Variants in SMCO4 observed in about 807,000 individuals in gnomAD.
SMCO4 encodes the protein single-pass membrane protein with coiled-coil domains 4, also known as single-pass membrane and coiled-coil domain-containing protein 4.
Under a neutral mutation model 3.6 loss-of-function variants are expected in SMCO4, and 4 were observed. The ratio of observed to expected loss-of-function variants is 1.11; its 90% confidence interval spans 0.54 to 2.53. The LOEUF (loss-of-function observed/expected upper bound fraction) is 2.53, where lower values mean the gene tolerates loss of function less well. SMCO4 is among the 30% of genes most tolerant of loss of function. The probability of loss-of-function intolerance (pLI) is 0.02; values close to 1 mark genes in which losing one functional copy is unlikely to be tolerated. For synonymous variants in SMCO4, 36 were observed against 35.3 expected, an observed-to-expected ratio of 1.02 and a Z score of -0.07; for missense variants, 70 against 80.8, an observed-to-expected ratio of 0.87 and a Z score of 0.51.
the SMCO4 span, among the ~76,000 whole-genome samples, chr11:93,552,933 T>C: frequency 6.6e-5 from 10 of 152,202 alleles, no homozygotes; most frequent in Admixed American, 4.6e-4. Context: ...TGTGCAACTT[T>C]CCCCTAGTGA....
chr11:93,509,297 G>GAAAA (rs34599036), intron 1 of SMCO4, among the ~76,000 whole-genome samples: 1 of 140,582 alleles, frequency 7.1e-6, no homozygotes, highest in African/African-American at 2.6e-5. Flanking sequence ...CTCAAAAATG[G>GAAAA]AAAAAAAAAA....
chr11:93,482,392 GA>G (rs2134567702), intron 2 of SMCO4, among the ~76,000 whole-genome samples: 1 of 152,342 alleles, frequency 6.6e-6, no homozygotes, highest in East Asian at 1.9e-4. Flanking sequence ...CATCGTCATG[GA>G]AATAATATCA....
intron 2 of SMCO4, among the ~76,000 whole-genome samples, chr11:93,498,680 G>T (rs1948803456): frequency 6.6e-6 from 1 of 152,242 alleles, no homozygotes; most frequent in African/African-American, 2.4e-5. Context: ...ACCTGGCGAA[G>T]ATCAGGAATT....
Position 93,528,415 on chromosome 11 carries a change from G to A in SMCO4, c.-154+14861C>T, listed in dbSNP as rs935966377. ...GACACCCGCCTCCAGAGCCAGAATG[G>A]AGATTTAGCCAAATCCTCCACCACC... is the stretch of plus-strand genomic sequence containing the variant. On this transcript the variant is annotated intron_variant, in intron 1 of 2. Transcript: ENST00000298966. Among the ~76,000 whole-genome samples, 3 of 152,196 alleles carry A rather than the reference G, an allele frequency of 2.0e-5. No individual in the cohort carries two copies. The South Asian group carries it at 6.2e-4, about 31-fold the overall frequency.
At chr11:93,529,988 G>T (rs907934957) in intron 1 of SMCO4, among the ~76,000 whole-genome samples, 1 of 152,226 alleles carries the variant, frequency 6.6e-6, no homozygotes, top group Non-Finnish European at 1.5e-5. Flanking sequence ...AGGTCCTCTT[G>T]GATGTTCCTC....
intron 2 of SMCO4, among the ~76,000 whole-genome samples, chr11:93,491,239 T>C (rs1251939896): frequency 6.6e-6 from 1 of 152,260 alleles, no homozygotes; most frequent in Non-Finnish European, 1.5e-5. Flanking sequence ...TCCAATGGTG[T>C]GCACTGGGTT....
At chr11:93,512,569 T>C (rs1354900673) in intron 1 of SMCO4, among the ~76,000 whole-genome samples, 1 of 152,226 alleles carries the variant, frequency 6.6e-6, no homozygotes, top group Non-Finnish European at 1.5e-5. Context: ...TTTATATGTT[T>C]AGATACACAA....
chr11:93,496,271 A>G (rs1337376840), intron 2 of SMCO4, among the ~76,000 whole-genome samples: 3 of 152,202 alleles, frequency 2.0e-5, no homozygotes, highest in Non-Finnish European at 4.4e-5. Flanking sequence ...CAGGAAGGCC[A>G]TGGATGAATT....
intron 1 of SMCO4, among the ~76,000 whole-genome samples, chr11:93,533,658 G>A (rs1286704675): frequency 6.6e-6 from 1 of 152,118 alleles, no homozygotes; most frequent in South Asian, 2.1e-4. Context: ...GCTCTGATGT[G>A]CACAAAGGAG....
chr11:93,514,410 ATATATATAT>A (rs1565383094), intron 1 of SMCO4, among the ~76,000 whole-genome samples: 482 of 34,982 alleles, frequency 0.014, 14 homozygotes, highest in South Asian at 0.052. Context: ...ATATATATAT[ATATATATAT>A]ATAAAATTTG....
chr11:93,524,858 G>A (rs562506062), intron 1 of SMCO4, among the ~76,000 whole-genome samples: 39 of 152,136 alleles, frequency 2.6e-4, no homozygotes, highest in Non-Finnish European at 1.3e-4. Flanking sequence ...AGGACCCACA[G>A]AAAAATAGTG....
upstream of SMCO4, among the ~76,000 whole-genome samples, chr11:93,545,018 T>C (rs1949304658): frequency 6.6e-6 from 1 of 152,164 alleles, no homozygotes; most frequent in African/African-American, 2.4e-5. Flanking sequence ...GGCAGAGGGA[T>C]TGGGAGCATA....
chr11:93,552,677 G>A, the SMCO4 span, among the ~76,000 whole-genome samples: 6 of 150,980 alleles, frequency 4.0e-5, no homozygotes, highest in Non-Finnish European at 8.8e-5. Flanking sequence ...TCACCATGTC[G>A]TTTAGGCTGG....
At chr11:93,540,165 T>C (rs1949260487) in intron 1 of SMCO4, among the ~76,000 whole-genome samples, 2 of 152,120 alleles carry the variant, frequency 1.3e-5, no homozygotes, top group Non-Finnish European at 2.9e-5. Context: ...CATTGATAAG[T>C]ACAAAAAGTA....
chr11:93,498,961 T>C (rs765883572), intron 2 of SMCO4, among the ~76,000 whole-genome samples: 4 of 152,046 alleles, frequency 2.6e-5, no homozygotes, highest in Non-Finnish European at 5.9e-5. Flanking sequence ...GGGGGGTGTG[T>C]CACAGACCTC....
At chr11:93,547,904 G>C (rs1295007005), upstream of SMCO4, among the ~76,000 whole-genome samples, 1 of 152,208 alleles carries the variant, frequency 6.6e-6, no homozygotes, top group Non-Finnish European at 1.5e-5. Context: ...CATGTGTTGT[G>C]CTATGCTGTA....
chr11:93,535,057 C>A (rs1363725580), intron 1 of SMCO4, among the ~76,000 whole-genome samples: 2 of 152,218 alleles, frequency 1.3e-5, no homozygotes, highest in Non-Finnish European at 2.9e-5. Context: ...CTTTAAGTGT[C>A]TTCCCAGTGC....
chr11:93,478,735 ACACACACAC>A lies in SMCO4; in HGVS notation c.*266_*274del. 1 of 639,508 alleles carries A rather than the reference ACACACACAC, an allele frequency of 1.6e-6. No homozygotes were observed. 39.6% of individuals were successfully genotyped at this position (639,508 alleles called of 1,614,324 possible). On this transcript the variant is annotated 3_prime_UTR_variant, in exon 3 of 3. Transcript: ENST00000298966. ...GAAGCACACACACACACACACACAC[ACACACACAC>A]ACACACACATGCGCGCGCGCTTTGA...
At chr11:93,531,896 A>T (rs1053572177) in intron 1 of SMCO4, among the ~76,000 whole-genome samples, 1 of 152,230 alleles carries the variant, frequency 6.6e-6, no homozygotes, top group Non-Finnish European at 1.5e-5. Context: ...TCAGAAACTC[A>T]GAAGAATGCA....
Sources: gnomAD v4.1 joint callset for allele counts (sites outside exome capture counted in the v4.1 genomes callset) on GRCh38, gnomAD v4.1.1 for gene constraint, MANE v1.5 for transcripts, NCBI Gene and HGNC (gene_info 2026-07-23, HGNC 2026-07-21) for gene names.